DAPP1: variants seen among roughly 807,000 people sequenced by gnomAD.
DAPP1 encodes the protein dual adapter for phosphotyrosine and 3-phosphotyrosine and 3-phosphoinositide.
A neutral mutation model predicts 41.5 loss-of-function variants in DAPP1; 20 were observed. That is an observed-to-expected ratio of 0.48 (90% CI 0.34 to 0.70). The LOEUF is 0.70. DAPP1 is among the 30% of genes least tolerant of loss of function. The pLI is 0.01. For synonymous variants in DAPP1, 113 were observed against 116.2 expected, an observed-to-expected ratio of 0.97 and a Z score of 0.18; for missense variants, 233 against 333.4, an observed-to-expected ratio of 0.70 and a Z score of 2.35.
At chr4:99,846,973 T>C (rs1343478804) in intron 3 of DAPP1, among the ~76,000 whole-genome samples, 5 of 152,184 alleles carry the variant, frequency 3.3e-5, no homozygotes, top group Non-Finnish European at 7.3e-5. Context: ...CTACTTCTCA[T>C]TGGAAGGAGG....
chr4:99,863,225 G>C (rs1409761288), intron 6 of DAPP1, among the ~76,000 whole-genome samples, 153 bp downstream of exon 6: 1 of 152,112 alleles, frequency 6.6e-6, no homozygotes, highest in African/African-American at 2.4e-5. Flanking sequence ...GAAATGAGCA[G>C]AGTTATTTTG....
intron 8 of DAPP1, chr4:99,866,766 A>ATT (rs11315402): frequency 4.2e-3 from 1,542 of 371,162 alleles, no homozygotes; most frequent in South Asian, 6.9e-3. Flanking sequence ...CTTTTTTTCT[A>ATT]TTTTTTTTTT....
intron 7 of DAPP1, chr4:99,864,058 T>C: frequency 2.2e-6 from 1 of 451,002 alleles, no homozygotes; most frequent in Non-Finnish European, 3.9e-6. Context: ...CAGCTCAGCT[T>C]ATGTTGCGTA....
chr4:99,849,541 C>G (rs1201010219), intron 3 of DAPP1, among the ~76,000 whole-genome samples: 1 of 152,188 alleles, frequency 6.6e-6, no homozygotes, highest in Non-Finnish European at 1.5e-5. Flanking sequence ...CAAGAGGTGA[C>G]AGCACTGCAG....
At chr4:99,856,250 G>A (rs1265855515) in intron 4 of DAPP1, among the ~76,000 whole-genome samples, 1 of 152,128 alleles carries the variant, frequency 6.6e-6, no homozygotes, top group Non-Finnish European at 1.5e-5. Context: ...ATACCAGACA[G>A]TAATACATCA....
At position 99,840,406 on chromosome 4, in the gene DAPP1, G is replaced by C; in HGVS notation, c.342G>C (p.Leu114Phe). The stretch of plus-strand genomic sequence containing the variant: ...TCAAGCATTTTGCAAATCAGCCTTT[G>C]ATTGGAAGCGAGACAGGTAAGCTAT... ...DFVKHFANQP[L>F]IGSETGTLMV... Residue 114 changes from leucine to phenylalanine, a missense_variant, in exon 3 of 9, where the codon TTG (leucine) becomes TTC (phenylalanine). By Grantham distance (22) the Leu-to-Phe change is conservative (BLOSUM62 0). Transcript: ENST00000512369. 6.2e-7 allele frequency: 1 copy of C among 1,611,340 alleles called. No individual in the cohort carries two copies. The highest frequency in any genetic ancestry group is 8.5e-7 in the Non-Finnish European group (1 of 1,179,200).
At chr4:99,857,703 C>T (rs1426725) in intron 4 of DAPP1, among the ~76,000 whole-genome samples, 5,536 of 90,450 alleles carry the variant, frequency 0.061, 222 homozygotes, top group East Asian at 0.31. Flanking sequence ...TATGTATATA[C>T]ACACACACAC....
intron 1 of DAPP1, among the ~76,000 whole-genome samples, chr4:99,830,397 T>C (rs1723083028): frequency 6.6e-6 from 1 of 151,880 alleles, no homozygotes; most frequent in Non-Finnish European, 1.5e-5. Flanking sequence ...AAAAAAAAAT[T>C]GAATATAGAG....
chr4:99,860,406 T>C (rs1724197992), intron 4 of DAPP1, among the ~76,000 whole-genome samples: 2 of 152,224 alleles, frequency 1.3e-5, no homozygotes, highest in Non-Finnish European at 2.9e-5. Context: ...CCAAAATAAT[T>C]ACTTTTTGCC....
intron 4 of DAPP1, among the ~76,000 whole-genome samples, chr4:99,857,675 G>GA (rs968946708): frequency 6.0e-4 from 79 of 132,352 alleles, no homozygotes; most frequent in Middle Eastern, 8.2e-3. Flanking sequence ...TCTTTTACTT[G>GA]AAAAAAAAAA....
chr4:99,830,186 C>G (rs187296152), intron 1 of DAPP1, among the ~76,000 whole-genome samples: 32 of 152,230 alleles, frequency 2.1e-4, no homozygotes, highest in Non-Finnish European at 4.4e-4. Context: ...AGCTCAAGAC[C>G]AGTCTGGTCA....
chr4:99,846,390 CT>C (rs1261505197), intron 3 of DAPP1, among the ~76,000 whole-genome samples: 1 of 152,168 alleles, frequency 6.6e-6, no homozygotes, highest in Non-Finnish European at 1.5e-5. Context: ...AATAATCTCT[CT>C]GAGCTTCAGT....
intron 7 of DAPP1, chr4:99,864,168 C>T (rs866167571): frequency 1.6e-5 from 3 of 185,476 alleles, no homozygotes; most frequent in South Asian, 2.5e-4. Context: ...TTTGTTGACT[C>T]TAATGATAGG....
chr4:99,837,045 G>A (rs1475119169), intron 2 of DAPP1, among the ~76,000 whole-genome samples: 4 of 152,188 alleles, frequency 2.6e-5, no homozygotes, highest in Non-Finnish European at 5.9e-5. Flanking sequence ...TTGCCACATG[G>A]CACCCATGGC....
chr4:99,841,074 C>G (rs1723479167), intron 3 of DAPP1, among the ~76,000 whole-genome samples: 2 of 152,142 alleles, frequency 1.3e-5, no homozygotes, highest in African/African-American at 4.8e-5. Context: ...AAAATATCAT[C>G]CCTGTATTTG....
downstream of DAPP1, among the ~76,000 whole-genome samples, chr4:99,871,556 T>A (rs1677200800): frequency 6.6e-6 from 1 of 152,226 alleles, no homozygotes; most frequent in African/African-American, 2.4e-5. Context: ...CTATCTCAAA[T>A]TGTTGTAAGT....
chr4:99,852,895 G>T (rs942586069), intron 3 of DAPP1, among the ~76,000 whole-genome samples: 4 of 152,030 alleles, frequency 2.6e-5, no homozygotes, highest in African/African-American at 9.7e-5. Flanking sequence ...TCATGGAAAG[G>T]TTCTTCAAGC....
At chr4:99,871,332 GCTCT>G (rs1224748974), downstream of DAPP1, among the ~76,000 whole-genome samples, 2 of 152,104 alleles carry the variant, frequency 1.3e-5, no homozygotes, top group Non-Finnish European at 2.9e-5. Context: ...CCTACGGTCT[GCTCT>G]CTATGAATTC....
chr4:99,816,941 A>T lies in DAPP1; in HGVS notation c.28A>T (p.Lys10Ter). 2 of 1,609,260 alleles carry T rather than the reference A, an allele frequency of 1.2e-6. No individual in the cohort carries two copies. The highest frequency in any genetic ancestry group is 1.7e-6 in the Non-Finnish European group (2 of 1,177,938). The change falls in exon 1 of 9, where the codon AAG becomes TAG. Residue 10 changes from lysine to a stop codon, truncating the protein, a stop_gained. Coordinates refer to ENST00000512369, the MANE Select transcript of DAPP1 (RefSeq NM_014395.3). LOFTEE classifies it high-confidence loss of function. ...GGGCAGAGCAGAACTTCTAGAAGGG[A>T]AGATGAGCACCCAGGATCCCTCAGA... MGRAELLEG[K>*]MSTQDPSDLW...
Sources: gnomAD v4.1 joint callset for allele counts (sites outside exome capture counted in the v4.1 genomes callset) on GRCh38, gnomAD v4.1.1 for gene constraint, MANE v1.5 for transcripts, NCBI Gene and HGNC (gene_info 2026-07-23, HGNC 2026-07-21) for gene names.